Variants in ANKS1B observed in about 807,000 individuals in gnomAD.
ANKS1B encodes the protein ankyrin repeat and sterile alpha motif domain-containing protein 1B.
A neutral mutation model predicts 148.3 loss-of-function variants in ANKS1B; 36 were observed. The observed-to-expected ratio is 0.24, with a 90% CI of 0.19 to 0.32. ANKS1B has a LOEUF of 0.32. Among genes scored for constraint, ANKS1B ranks in the 10% least tolerant of loss-of-function variants. ANKS1B has a pLI of 1.00. For missense variants in ANKS1B, 1,157 were observed against 1,542.6 expected (o/e 0.75, Z 4.19); for synonymous variants, 542 against 560.8 (o/e 0.97, Z 0.47).
At chr12:99,410,471 C>T (rs528914204) in intron 11 of ANKS1B, among the ~76,000 whole-genome samples, 22 of 152,254 alleles carry the variant, frequency 1.4e-4, no homozygotes, top group African/African-American at 5.3e-4. Flanking sequence ...AGATCGAGAC[C>T]ATCCCGGCTA....
chr12:99,763,421 G>A (rs948757433), intron 8 of ANKS1B, among the ~76,000 whole-genome samples: 2 of 152,070 alleles, frequency 1.3e-5, no homozygotes, highest in African/African-American at 2.4e-5. Flanking sequence ...GTTCTTACTC[G>A]TAAGTGTGAG....
At chr12:98,948,292 TA>T (rs1189771353) in intron 17 of ANKS1B, among the ~76,000 whole-genome samples, 2 of 152,236 alleles carry the variant, frequency 1.3e-5, no homozygotes, top group Non-Finnish European at 2.9e-5. Context: ...TCTATGATTA[TA>T]ACCTAAGAAA....
intron 8 of ANKS1B, among the ~76,000 whole-genome samples, chr12:99,754,165 T>C (rs2061362733): frequency 6.6e-6 from 1 of 152,098 alleles, no homozygotes. Context: ...GAGAAAAATC[T>C]ACCATGCTAA....
In ANKS1B at chr12:99,290,055, T is replaced by G. The variant is rs56664178; in HGVS notation, c.1757-43191A>C. 5.3e-3 allele frequency among the ~76,000 whole-genome samples: 799 copies of G among 151,414 alleles called. 7 individuals are homozygous for G. The highest frequency in any genetic ancestry group is 0.019 in the African/African-American group (768 of 41,390). The stretch of plus-strand genomic sequence containing the variant: ...GACTAAGAAAAAAACTAAAAAGGCC[T>G]AAATACAATCAGAGGTGAAAAAGGA... On this transcript the variant is annotated intron_variant, in intron 12 of 26. Transcript: ENST00000683438.
intron 8 of ANKS1B, among the ~76,000 whole-genome samples, chr12:99,657,524 T>A (rs934405325): frequency 1.2e-4 from 19 of 152,040 alleles, no homozygotes; most frequent in Non-Finnish European, 2.8e-4. Flanking sequence ...AGCCCATGCT[T>A]TCATAAATAC....
chr12:99,343,489 C>T (rs1270910137), intron 12 of ANKS1B, among the ~76,000 whole-genome samples: 2 of 151,956 alleles, frequency 1.3e-5, no homozygotes, highest in African/African-American at 4.8e-5. Context: ...AGGCTAATCC[C>T]TTTATCTGTC....
At chr12:99,118,841 CA>C (rs1335566435) in intron 15 of ANKS1B, among the ~76,000 whole-genome samples, 1 of 152,122 alleles carries the variant, frequency 6.6e-6, no homozygotes, top group Non-Finnish European at 1.5e-5. Flanking sequence ...TATTAGGACT[CA>C]AGGGCTGGCA....
chr12:98,986,690 C>T (rs1236648661), intron 17 of ANKS1B, among the ~76,000 whole-genome samples: 1 of 152,162 alleles, frequency 6.6e-6, no homozygotes, highest in Non-Finnish European at 1.5e-5. Flanking sequence ...TCATGGGTCA[C>T]TGCAGCCTTG....
chr12:99,520,826 C>T (rs1264361355), intron 9 of ANKS1B, among the ~76,000 whole-genome samples: 1 of 151,924 alleles, frequency 6.6e-6, no homozygotes, highest in African/African-American at 2.4e-5. Context: ...GATGGAGTTT[C>T]GCTCTTGTTG....
chr12:99,029,795 T>C (rs1317537317), intron 17 of ANKS1B, among the ~76,000 whole-genome samples: 2 of 152,210 alleles, frequency 1.3e-5, no homozygotes, highest in African/African-American at 2.4e-5. Context: ...GAGATTTGGA[T>C]GTGAATAGAC....
At chr12:99,846,109 T>G (rs2086628615) in intron 1 of ANKS1B, among the ~76,000 whole-genome samples, 2 of 152,168 alleles carry the variant, frequency 1.3e-5, no homozygotes, top group Admixed American at 6.5e-5. Flanking sequence ...TTCCTTCTAT[T>G]TCTGTCATTT....
At chr12:99,677,778 C>T (rs10860486) in intron 8 of ANKS1B, among the ~76,000 whole-genome samples, 35,267 of 151,928 alleles carry the variant, frequency 0.23, 4,771 homozygotes, top group Non-Finnish European at 0.3. Context: ...TCGAGACCAG[C>T]CTGGCTAACA....
intron 1 of ANKS1B, among the ~76,000 whole-genome samples, chr12:99,860,426 T>C (rs1466818755): frequency 6.6e-6 from 1 of 152,138 alleles, no homozygotes; most frequent in African/African-American, 2.4e-5. Context: ...AAGGTGGAGT[T>C]TGATGGGAGA....
chr12:99,109,876 C>T (rs763109901), intron 15 of ANKS1B, among the ~76,000 whole-genome samples: 3 of 152,184 alleles, frequency 2.0e-5, no homozygotes, highest in Non-Finnish European at 4.4e-5. Context: ...TTAACCCTCA[C>T]AGCACCTCTG....
chr12:99,666,729 G>C (rs1355357514), intron 8 of ANKS1B, among the ~76,000 whole-genome samples: 5 of 151,972 alleles, frequency 3.3e-5, no homozygotes, highest in African/African-American at 1.2e-4. Context: ...TAGCACTATT[G>C]GGGCATAATT....
intron 12 of ANKS1B, among the ~76,000 whole-genome samples, chr12:99,292,295 AT>A (rs2080118654): frequency 1.3e-5 from 2 of 151,824 alleles, no homozygotes; most frequent in African/African-American, 4.8e-5. Flanking sequence ...GACCGAGACT[AT>A]TCTGGCTAAC....
At chr12:98,781,316 AC>A (rs144247007) in intron 23 of ANKS1B, 113 bp from the exon 24 acceptor site, 227 of 523,964 alleles carry the variant, frequency 4.3e-4, no homozygotes, top group Non-Finnish European at 6.6e-4. Context: ...CAACAACAAC[AC>A]ACACACACAC....
At chr12:99,558,690 G>A (rs1480020116) in intron 9 of ANKS1B, among the ~76,000 whole-genome samples, 1 of 152,148 alleles carries the variant, frequency 6.6e-6, no homozygotes, top group Non-Finnish European at 1.5e-5. Flanking sequence ...CCAGGCTGGA[G>A]CCCCAGGAGA....
In ANKS1B at chr12:98,895,224, G is replaced by T. The variant is rs191311739; in HGVS notation, c.2779-63088C>A. On this transcript the variant is annotated intron_variant, in intron 17 of 26. Coordinates refer to ENST00000683438, the MANE Select transcript of ANKS1B (RefSeq NM_001352186.2). ...GCCTAGCACTGGGGGTTGCCGGCGC[G>T]CGGGGGCCTCCTCCTGGCTCCCAGG... 9.3e-3 allele frequency: 9,211 copies of T among 985,576 alleles called. 53 individuals are homozygous for T. Among genetic ancestry groups the T allele is most frequent in the African/African-American group, 0.024 (1,366 of 57,308 alleles). 61.1% of individuals were successfully genotyped at this position (985,576 alleles called of 1,614,324 possible). A position where few individuals can be genotyped will look rare whatever the true frequency, so the allele number is the denominator to read the frequency against.
Sources: gnomAD v4.1 joint callset for allele counts (sites outside exome capture counted in the v4.1 genomes callset) on GRCh38, gnomAD v4.1.1 for gene constraint, MANE v1.5 for transcripts, NCBI Gene and HGNC (gene_info 2026-07-23, HGNC 2026-07-21) for gene names.